The following PTPRZ1 variants were observed in gnomAD, a reference collection of about 807,000 sequenced individuals.
PTPRZ1 encodes protein tyrosine phosphatase receptor type Z1.
Under a neutral mutation model 214.1 loss-of-function variants are expected in PTPRZ1, and 82 were observed. That is an observed-to-expected ratio of 0.38 (90% CI 0.32 to 0.46). The LOEUF is 0.46. Among genes scored for constraint, PTPRZ1 ranks in the 20% least tolerant of loss-of-function variants. PTPRZ1 has a pLI of 1.00. For synonymous variants in PTPRZ1, 945 were observed against 987.9 expected, an observed-to-expected ratio of 0.96 and a Z score of 0.81; for missense variants, 2,603 against 2,748.7, an observed-to-expected ratio of 0.95 and a Z score of 1.19.
intron 21 of PTPRZ1, among the ~76,000 whole-genome samples, 172 bp from the exon 22 acceptor site, chr7:122,042,436 A>G (rs1387612357): frequency 6.6e-6 from 1 of 152,240 alleles, no homozygotes; most frequent in East Asian, 1.9e-4. Context: ...TGTGTAAAGC[A>G]TTACGCTTAA....
chr7:122,023,584 A>T (rs1234985495), intron 13 of PTPRZ1, among the ~76,000 whole-genome samples: 5 of 132,210 alleles, frequency 3.8e-5, no homozygotes, highest in South Asian at 4.3e-4. Flanking sequence ...ATATATAATT[A>T]TATATATTAT....
chr7:121,971,310 G>A (rs530522245), intron 3 of PTPRZ1, among the ~76,000 whole-genome samples: 32 of 152,266 alleles, frequency 2.1e-4, no homozygotes, highest in Middle Eastern at 6.8e-3. Flanking sequence ...AGAAAAATGG[G>A]AAGGAGGTAT....
intron 2 of PTPRZ1, among the ~76,000 whole-genome samples, chr7:121,933,557 C>T (rs1795987445): frequency 1.3e-5 from 2 of 152,064 alleles, no homozygotes; most frequent in African/African-American, 4.8e-5. Context: ...TGTTATACCT[C>T]GCTGGATATG....
intron 3 of PTPRZ1, among the ~76,000 whole-genome samples, chr7:121,971,257 T>C (rs59520161): frequency 0.019 from 2,866 of 152,296 alleles, 86 homozygotes; most frequent in African/African-American, 0.066. Context: ...TGTTTTCCTT[T>C]TCTTATTGTT....
At chr7:121,898,570 T>A (rs919308241) in intron 1 of PTPRZ1, among the ~76,000 whole-genome samples, 1 of 152,196 alleles carries the variant, frequency 6.6e-6, no homozygotes, top group Non-Finnish European at 1.5e-5. Flanking sequence ...CCTGCCAGAA[T>A]AATGCCAACT....
At chr7:122,054,266 T>G (rs924936014) in intron 26 of PTPRZ1, among the ~76,000 whole-genome samples, 1 of 152,198 alleles carries the variant, frequency 6.6e-6, no homozygotes, top group Admixed American at 6.5e-5. Context: ...TGAACTTAAA[T>G]GTATGTGTTT....
chr7:121,983,974 T>C lies in PTPRZ1; in HGVS notation c.785T>C (p.Val262Ala), dbSNP rs1226610652. The C allele has an allele frequency of 6.2e-7, 1 of 1,611,756 alleles. No individual in the cohort carries two copies. The highest frequency in any genetic ancestry group is 1.1e-5 in the South Asian group (1 of 90,678). The change falls in exon 8 of 30, where the codon GTT becomes GCT. Residue 262 changes from valine to alanine, a missense_variant. Physicochemically the swap from Val to Ala is moderately conservative, Grantham distance 64. Around this residue, in one of 6 missense-constraint regions of PTPRZ1, gnomAD observed 244 missense variants for 333.2 expected, o/e 0.73. Transcript: ENST00000393386. ...ATTTGATCTTTTTTTCAGTTGGCTG[T>C]TTTTTGTGAAGTTCTTACAATGCAA... Reference protein sequence around the residue: ...TVSISESQLAVFCEVLTMQQS... With the variant: ...TVSISESQLAAFCEVLTMQQS...
At position 121,893,369 on chromosome 7, in the gene PTPRZ1, G is replaced by T. The variant is rs182351559; in HGVS notation, c.58+19812G>T. On this transcript the variant is annotated intron_variant, in intron 1 of 29. Coordinates refer to ENST00000393386, the MANE Select transcript of PTPRZ1 (RefSeq NM_002851.3). ...AAAGTCAGTCAAGATGGTTTGCACC[G>T]TGGTGTCGACATCCAATGTTCTTTT... 3.3e-5 allele frequency among the ~76,000 whole-genome samples: 5 copies of T among 152,308 alleles called. No homozygotes were observed. The East Asian group carries it at 9.6e-4, about 29-fold the overall frequency.
chr7:121,930,497 G>T (rs914742586), intron 2 of PTPRZ1, among the ~76,000 whole-genome samples: 1 of 151,900 alleles, frequency 6.6e-6, no homozygotes, highest in East Asian at 1.9e-4. Context: ...GGACCAAAGG[G>T]CCTACCTATT....
chr7:122,049,811 G>A (rs2150487334), intron 23 of PTPRZ1, among the ~76,000 whole-genome samples: 1 of 152,208 alleles, frequency 6.6e-6, no homozygotes, highest in African/African-American at 2.4e-5. Flanking sequence ...AAATTAAACA[G>A]CCAAAATATC....
intron 8 of PTPRZ1, among the ~76,000 whole-genome samples, chr7:121,987,848 A>C (rs1466595253): frequency 6.6e-6 from 1 of 152,238 alleles, no homozygotes; most frequent in African/African-American, 2.4e-5. Context: ...GTCATAAAAA[A>C]TGAAATCATG....
At chr7:121,941,172 A>G (rs1417176810) in intron 2 of PTPRZ1, among the ~76,000 whole-genome samples, 2 of 152,216 alleles carry the variant, frequency 1.3e-5, no homozygotes, top group African/African-American at 4.8e-5. Flanking sequence ...TATGGCATGA[A>G]TGGACAAAGC....
intron 4 of PTPRZ1, among the ~76,000 whole-genome samples, chr7:121,974,888 A>G (rs950659793): frequency 4.3e-4 from 66 of 152,128 alleles, no homozygotes; most frequent in Admixed American, 3.5e-3. Flanking sequence ...ACATCTCACA[A>G]TCAAGTCTTC....
intron 1 of PTPRZ1, among the ~76,000 whole-genome samples, chr7:121,875,668 T>C (rs952923034): frequency 6.6e-6 from 1 of 152,252 alleles, no homozygotes; most frequent in Admixed American, 6.5e-5. Context: ...ACTTTTGTAT[T>C]CCTCACCATT....
chr7:121,878,647 A>G (rs1245350738), intron 1 of PTPRZ1, among the ~76,000 whole-genome samples: 16 of 152,258 alleles, frequency 1.1e-4, no homozygotes. Flanking sequence ...TACATTTTCC[A>G]TAATTTGTTC....
In PTPRZ1 at chr7:121,976,878, T is replaced by C. The variant is rs376374190; in HGVS notation, c.619+27T>C. ...TAAGCTACTTGGGGAACTATCTTTC[T>C]TCAGGATTCTGCTTTGGATGGATAA... On this transcript the variant is annotated intron_variant, in intron 6 of 29. Transcript: ENST00000393386. The C allele has an allele frequency of 5.7e-6, 9 of 1,588,092 alleles. No individual in the cohort carries two copies. The African/African-American group carries it at 1.1e-4, about 19-fold the overall frequency.
intron 13 of PTPRZ1, among the ~76,000 whole-genome samples, chr7:122,025,071 A>G (rs1220898057): frequency 6.6e-6 from 1 of 152,220 alleles, no homozygotes; most frequent in East Asian, 1.9e-4. Context: ...CCATCTAATC[A>G]TTCAACAAAT....
chr7:122,055,131 T>A (rs975606129), intron 27 of PTPRZ1, 44 bp downstream of exon 27: 1 of 1,417,814 alleles, frequency 7.1e-7, no homozygotes, highest in Non-Finnish European at 9.5e-7. Flanking sequence ...CTTAAACACA[T>A]GTTAAACATA....
At chr7:122,044,667 G>C in intron 23 of PTPRZ1, 99 bp downstream of exon 23, 3 of 1,214,234 alleles carry the variant, frequency 2.5e-6, no homozygotes, top group Non-Finnish European at 3.4e-6. Flanking sequence ...GGGCAGTATG[G>C]GTACAATGAC....
Sources: gnomAD v4.1 joint callset for allele counts (sites outside exome capture counted in the v4.1 genomes callset) on GRCh38, gnomAD v4.1.1 for gene constraint, gnomAD v4.1.1 regional missense constraint, MANE v1.5 for transcripts, NCBI Gene and HGNC (gene_info 2026-07-23, HGNC 2026-07-21) for gene names.